The following SCUBE2 variants were observed in gnomAD, a reference collection of about 807,000 sequenced individuals.
SCUBE2 encodes signal peptide, CUB and EGF-like domain-containing protein 2.
In SCUBE2, 114 loss-of-function variants were observed where a neutral mutation model predicts 125.9. The observed-to-expected ratio is 0.91, with a 90% confidence interval of 0.78 to 1.06. SCUBE2 has a LOEUF of 1.06. Ranked by LOEUF, SCUBE2 falls within the 50% of genes least tolerant of loss-of-function variation. The pLI, the probability that SCUBE2 is intolerant of heterozygous loss-of-function variation, is 0.00. For missense variants in SCUBE2, 1,255 were observed against 1,301.8 expected, an observed-to-expected ratio of 0.96 and a Z score of 0.55; for synonymous variants, 459 against 492.9, an observed-to-expected ratio of 0.93 and a Z score of 0.91.
Position 9,021,157 on chromosome 11 carries a change from T to C in SCUBE2, c.2975A>G (p.His992Arg), listed in dbSNP as rs776671849. 7.4e-6 allele frequency: 12 copies of C among 1,612,062 alleles called. No homozygotes were observed. Among genetic ancestry groups the C allele is most frequent in the Non-Finnish European group, 1.0e-5 (12 of 1,179,042 alleles). Residue 992 changes from histidine (H) to arginine (R), a missense_variant, in exon 23 of 23, where the codon CAT becomes CGT. Transcript: ENST00000649792. The stretch of plus-strand genomic sequence containing the variant: ...TGTGTACTTGAAATAGTTCTGGGGA[T>C]GGGCCAGGACATCAAACAGAGCCTT... ...LIKALFDVLA[H>R]PQNYFKYTAQ...
intron 12 of SCUBE2, 38 bp downstream of exon 12, chr11:9,053,061 A>C (rs1858587245): frequency 6.4e-7 from 1 of 1,554,980 alleles, no homozygotes; most frequent in Admixed American, 1.7e-5. Context: ...GCCTGGCCCC[A>C]GTGTGAGGAC....
rs777850742 is a variant in SCUBE2, at chr11:9,027,394, A to G, written c.2671T>C (p.Cys891Arg). The stretch of plus-strand genomic sequence containing the variant: ...TTCCGCATCACCAGATAGTCCCCAC[A>G]GTCGTCCTCTATGGGCAGGAAGATC... ...PEIFLPIEDD[C>R]GDYLVMRKTS... is the part of the protein sequence containing the mutation. The change falls in exon 20 of 23, where the codon TGT becomes CGT. Residue 891 changes from cysteine (C) to arginine (R), a missense_variant. Transcript: ENST00000649792. 1 of 1,614,020 alleles carries G rather than the reference A, an allele frequency of 6.2e-7. No individual in the cohort carries two copies. Among genetic ancestry groups the G allele is most frequent in the South Asian group, 1.1e-5 (1 of 91,068 alleles).
At position 9,025,831 on chromosome 11, in the gene SCUBE2, A is replaced by G; in HGVS notation, c.2725T>C (p.Tyr909His). 2 of 1,614,086 alleles carry G rather than the reference A, an allele frequency of 1.2e-6. No individual in the cohort carries two copies. Among genetic ancestry groups the G allele is most frequent in the Non-Finnish European group, 1.7e-6 (2 of 1,179,994 alleles). ...CGTTCGTAGGTCTGGCAGGTTTCATATGTTGTCACAGAATTGGATGAAGCT... is the reference window on the plus strand; with the variant it reads ...CGTTCGTAGGTCTGGCAGGTTTCATGTGTTGTCACAGAATTGGATGAAGCT... The part of the protein sequence containing the change: ...KTSSSNSVTT[Y>H]ETCQTYERPI... The change falls in exon 21 of 23, where the codon TAT (tyrosine) becomes CAT (histidine). Residue 909 changes from tyrosine (Y) to histidine (H), a missense_variant. This residue lies in a region of SCUBE2 where 515 missense variants were observed against 515.7 expected (regional missense o/e 1.00). Transcript: ENST00000649792.
chr11:9,089,014 T>C (rs1438171572), intron 2 of SCUBE2, among the ~76,000 whole-genome samples: 1 of 152,182 alleles, frequency 6.6e-6, no homozygotes, highest in Non-Finnish European at 1.5e-5. Flanking sequence ...TGTGTCATGA[T>C]TTCCATCTCC....
At chr11:9,061,119 T>C (rs1340978948) in intron 7 of SCUBE2, among the ~76,000 whole-genome samples, 1 of 152,126 alleles carries the variant, frequency 6.6e-6, no homozygotes, top group Non-Finnish European at 1.5e-5. Context: ...TGAGGAACAA[T>C]AAGCAAACAG....
At chr11:9,071,636 C>T (rs970414834) in intron 4 of SCUBE2, among the ~76,000 whole-genome samples, 16 of 152,184 alleles carry the variant, frequency 1.1e-4, no homozygotes, top group Non-Finnish European at 5.9e-5. Context: ...GGAAACAGCT[C>T]AGAAACATTG....
intron 16 of SCUBE2, among the ~76,000 whole-genome samples, chr11:9,037,374 A>G (rs1038394279): frequency 3.3e-5 from 5 of 152,230 alleles, no homozygotes; most frequent in Admixed American, 2.0e-4. Context: ...TCTGATGCAA[A>G]AGGGACAGAC....
chr11:9,069,290 G>T (rs1300249621), intron 5 of SCUBE2, 80 bp downstream of exon 5: 1 of 1,573,052 alleles, frequency 6.4e-7, no homozygotes, highest in Non-Finnish European at 8.7e-7. Flanking sequence ...CCATGAGGTG[G>T]TGCTTCTGAG....
chr11:9,021,828 G>A (rs202120189), intron 22 of SCUBE2, 48 bp downstream of exon 22: 299 of 1,373,732 alleles, frequency 2.2e-4, no homozygotes, highest in Non-Finnish European at 2.9e-4. Context: ...AACAGTACTC[G>A]GGAAGCTCTG....
intron 11 of SCUBE2, 60 bp downstream of exon 11, chr11:9,053,577 G>A: frequency 1.9e-6 from 3 of 1,594,348 alleles, no homozygotes; most frequent in South Asian, 2.3e-5. Flanking sequence ...ACGCAGAGCT[G>A]CACTGCCTCT....
chr11:9,091,286 G>T lies in SCUBE2; in HGVS notation c.133+110C>A. 1 of 778,602 alleles carries T rather than the reference G, an allele frequency of 1.3e-6. No individual in the cohort carries two copies. Among genetic ancestry groups the T allele is most frequent in the Non-Finnish European group, 1.7e-6 (1 of 588,148 alleles). 48.2% of individuals were successfully genotyped at this position (778,602 alleles called of 1,614,324 possible). The stretch of plus-strand genomic sequence containing the variant: ...GAGCAGAGGCCCCCGCGGAGCTGCA[G>T]CCGCCAGCCCCGAGCCCCGCGCGCC... On this transcript the variant is annotated intron_variant, in intron 1 of 22. Transcript: ENST00000649792. This position sits in a 1 kb window ranked among gnomAD's most constrained non-coding sequence, Gnocchi z 8.5.
intron 2 of SCUBE2, among the ~76,000 whole-genome samples, chr11:9,081,016 A>G (rs1021230461): frequency 6.6e-6 from 1 of 152,348 alleles, no homozygotes. Context: ...GTTATTAGGG[A>G]TATGCAAATT....
At chr11:9,073,702 A>G (rs1442246419) in intron 4 of SCUBE2, among the ~76,000 whole-genome samples, 1 of 152,218 alleles carries the variant, frequency 6.6e-6, no homozygotes, top group Admixed American at 6.5e-5. Context: ...CAAGAGGAAC[A>G]CAGCCACCAA....
Position 9,020,180 on chromosome 11 carries a change from G to A in SCUBE2, c.*865C>T, listed in dbSNP as rs951284945. Among the ~76,000 whole-genome samples the A allele has an allele frequency of 3.3e-5, 5 of 152,142 alleles. No individual in the cohort carries two copies. The highest frequency in any genetic ancestry group is 9.7e-5 in the African/African-American group (4 of 41,438). On this transcript the variant is annotated 3_prime_UTR_variant, in exon 23 of 23. Coordinates refer to ENST00000649792, the MANE Select transcript of SCUBE2 (RefSeq NM_001367977.2). ...GGGGAGTAGAACCCTTGGCAATACC[G>A]ACTCAGGGTTGGTGAAATCGCCTTT...
rs768061104 is a variant in SCUBE2, at chr11:9,029,987, T to G, written c.2400A>C (p.Pro800=). The G allele has an allele frequency of 6.2e-7, 1 of 1,614,116 alleles. No homozygotes were observed. The highest frequency in any genetic ancestry group is 8.5e-7 in the Non-Finnish European group (1 of 1,180,060). The change falls in exon 19 of 23, where the codon CCA becomes CCC. Residue 800 remains proline, a synonymous_variant. Transcript: ENST00000649792. ...CAAATTCAGGCTGGTATGTTCCCAC[T>G]GGGCAACGAATACATCGGTGAGTGG... ...NTTTHRCIRC[P]VGTYQPEFGK...
chr11:9,062,107 G>A (rs1343676765), intron 7 of SCUBE2, among the ~76,000 whole-genome samples: 1 of 152,232 alleles, frequency 6.6e-6, no homozygotes, highest in Non-Finnish European at 1.5e-5. Context: ...CAGAGGAGGA[G>A]AGGGTGTCAC....
At position 9,019,961 on chromosome 11, in the gene SCUBE2, G is replaced by A. The variant is rs76545769; in HGVS notation, c.*1084C>T. Among the ~76,000 whole-genome samples the A allele has an allele frequency of 2.8e-3, 420 of 152,278 alleles. 1 individual carries two copies. The highest frequency in any genetic ancestry group is 9.0e-3 in the African/African-American group (375 of 41,558). ...TGGCCTGACCCAAAGTGAGATGATCGTGTGGCATTCAGGGGGTGTTTCTGG... is the reference window on the plus strand; with the variant it reads ...TGGCCTGACCCAAAGTGAGATGATCATGTGGCATTCAGGGGGTGTTTCTGG... On this transcript the variant is annotated 3_prime_UTR_variant, in exon 23 of 23. Coordinates refer to ENST00000649792, the MANE Select transcript of SCUBE2 (RefSeq NM_001367977.2).
chr11:9,056,628 A>C (rs1194975813), intron 9 of SCUBE2, among the ~76,000 whole-genome samples: 1 of 152,196 alleles, frequency 6.6e-6, no homozygotes, highest in Non-Finnish European at 1.5e-5. Flanking sequence ...CCTTGGCTGC[A>C]GCGGGGGTCA....
intron 16 of SCUBE2, among the ~76,000 whole-genome samples, chr11:9,040,964 C>T (rs1423208176): frequency 3.3e-5 from 5 of 152,202 alleles, no homozygotes; most frequent in Admixed American, 3.3e-4. Flanking sequence ...CTTTGTCAAA[C>T]TACATCATGA....
Sources: allele counts gnomAD v4.1 joint callset (sites outside exome capture counted in the v4.1 genomes callset), GRCh38; gene constraint gnomAD v4.1.1; regional missense constraint gnomAD v4.1.1; non-coding constraint Gnocchi (gnomAD v3.1); transcripts MANE v1.5; gene names NCBI Gene and HGNC (gene_info 2026-07-23, HGNC 2026-07-21).